FARS2: variants seen among roughly 807,000 people sequenced by gnomAD.
FARS2 encodes the protein phenylalanine--tRNA ligase, mitochondrial.
FARS2 carries 40 observed loss-of-function variants against 46.4 expected under a neutral mutation model. The observed-to-expected ratio is 0.86, with a 90% CI of 0.67 to 1.12. The LOEUF (loss-of-function observed/expected upper bound fraction) is 1.12, where lower values mean the gene tolerates loss of function less well. FARS2 is among the 50% of genes most tolerant of loss of function. The pLI is 0.00. For missense variants in FARS2, 513 were observed against 567.9 expected (o/e 0.90, Z 0.98); for synonymous variants, 234 against 214.9 (o/e 1.09, Z -0.78).
At chr6:5,740,698 C>CT (rs1761275117) in intron 6 of FARS2, among the ~76,000 whole-genome samples, 1 of 152,100 alleles carries the variant, frequency 6.6e-6, no homozygotes, top group Non-Finnish European at 1.5e-5. Context: ...GGAGACCTGC[C>CT]TTTTATCCCC....
rs373609089 is a variant in FARS2, at chr6:5,616,405, A to C, written c.1217+3085A>C. On this transcript the variant is annotated intron_variant, in intron 6 of 6. Coordinates refer to ENST00000274680, the MANE Select transcript of FARS2 (RefSeq NM_006567.5). ...GAGTACTAATTGATATGCCAAAGGC[A>C]TGTGACTTGTAATTTTTTCCCATTC... Among the ~76,000 whole-genome samples, 9 of 152,254 alleles carry C rather than the reference A, an allele frequency of 5.9e-5. No homozygotes were observed. In the East Asian group the frequency reaches 1.7e-3, roughly 29 times the overall value.
chr6:5,728,422 C>T (rs77427629), intron 6 of FARS2, among the ~76,000 whole-genome samples: 1,609 of 151,970 alleles, frequency 0.011, 13 homozygotes, highest in Non-Finnish European at 0.014. Flanking sequence ...GGTTTGCTGA[C>T]GCTAAAATGA....
intron 6 of FARS2, among the ~76,000 whole-genome samples, chr6:5,710,904 A>G (rs1379383225): frequency 6.6e-6 from 1 of 152,200 alleles, no homozygotes; most frequent in East Asian, 1.9e-4. Context: ...AACTTTGGGT[A>G]TGATACTCAG....
chr6:5,592,168 T>C (rs1339079463), intron 5 of FARS2, among the ~76,000 whole-genome samples: 1 of 152,158 alleles, frequency 6.6e-6, no homozygotes, highest in Admixed American at 6.5e-5. Context: ...GAAGACTGCT[T>C]GAGCTCAGGA....
At chr6:5,257,304 G>A (rs1764724570), upstream of FARS2, among the ~76,000 whole-genome samples, 1 of 151,992 alleles carries the variant, frequency 6.6e-6, no homozygotes, top group African/African-American at 2.4e-5. Flanking sequence ...CTGTTTGCCT[G>A]CCTGACCACA....
chr6:5,459,415 C>T (rs549728574), intron 4 of FARS2, among the ~76,000 whole-genome samples: 68 of 151,022 alleles, frequency 4.5e-4, no homozygotes, highest in African/African-American at 6.6e-4. Context: ...GATGTCTTTT[C>T]GATTTGATTT....
intron 1 of FARS2, among the ~76,000 whole-genome samples, chr6:5,282,368 G>A (rs932168054): frequency 2.1e-4 from 32 of 152,184 alleles, no homozygotes; most frequent in South Asian, 2.1e-4. Flanking sequence ...GGTCCATGGC[G>A]CTTAGGGGAG....
At chr6:5,615,032 AAAGG>A (rs1775399362) in intron 6 of FARS2, among the ~76,000 whole-genome samples, 8 of 152,152 alleles carry the variant, frequency 5.3e-5, no homozygotes, top group Admixed American at 2.6e-4. Context: ...TTTTTGTTTT[AAAGG>A]ATTCCTTCTT....
chr6:5,576,316 C>T (rs1772960245), intron 5 of FARS2, among the ~76,000 whole-genome samples: 1 of 151,908 alleles, frequency 6.6e-6, no homozygotes, highest in South Asian at 2.1e-4. Context: ...AATCAGCTGC[C>T]AGCATGGCTA....
At position 5,545,264 on chromosome 6, in the gene FARS2, G is replaced by C. The variant is rs863223957; in HGVS notation, c.989G>C (p.Arg330Pro). 12 of 1,614,000 alleles carry C rather than the reference G, an allele frequency of 7.4e-6. No individual in the cohort carries two copies. The highest frequency in any genetic ancestry group is 1.3e-5 in the African/African-American group (1 of 75,022). ...ATCCTCTACGACATCCCTGATATCCGTCTCTTCTGGTGTGAGGACGAGCGC... is the reference window on the plus strand; with the variant it reads ...ATCCTCTACGACATCCCTGATATCCCTCTCTTCTGGTGTGAGGACGAGCGC... The part of the protein sequence containing the change: ...AMILYDIPDI[R>P]LFWCEDERFL... Residue 330 changes from arginine to proline, a missense_variant, in exon 5 of 7, where the codon CGT becomes CCT. Arg to Pro is a moderately radical substitution (Grantham distance 103). Coordinates refer to ENST00000274680, the MANE Select transcript of FARS2 (RefSeq NM_006567.5).
chr6:5,342,112 TGCTA>T (rs1222542780), intron 1 of FARS2, among the ~76,000 whole-genome samples: 1 of 152,240 alleles, frequency 6.6e-6, no homozygotes, highest in African/African-American at 2.4e-5. Context: ...AAGTTTATAA[TGCTA>T]GCTATTTATG....
intron 6 of FARS2, among the ~76,000 whole-genome samples, chr6:5,699,483 G>A (rs958957639): frequency 6.6e-6 from 1 of 151,992 alleles, no homozygotes. Flanking sequence ...CAGAATCAGG[G>A]TCTGGATCTT....
chr6:5,579,008 A>G (rs1366757492), intron 5 of FARS2, among the ~76,000 whole-genome samples: 1 of 152,160 alleles, frequency 6.6e-6, no homozygotes, highest in East Asian at 1.9e-4. Context: ...GTGAGTTTCA[A>G]TACACATAAA....
At chr6:5,726,383 C>T (rs1024829169) in intron 6 of FARS2, among the ~76,000 whole-genome samples, 14 of 152,270 alleles carry the variant, frequency 9.2e-5, no homozygotes, top group Admixed American at 3.3e-4. Context: ...AATGAAGACT[C>T]TGCTGCAGCA....
At chr6:5,503,622 A>C (rs1767937869) in intron 4 of FARS2, among the ~76,000 whole-genome samples, 2 of 152,210 alleles carry the variant, frequency 1.3e-5, no homozygotes, top group Admixed American at 6.5e-5. Flanking sequence ...AAAATCATTG[A>C]GTATAGAATG....
intron 6 of FARS2, among the ~76,000 whole-genome samples, chr6:5,647,169 C>A (rs999493524): frequency 2.0e-5 from 3 of 152,214 alleles, no homozygotes; most frequent in South Asian, 2.1e-4. Context: ...AGGGTCTTCA[C>A]CTTCATCCCA....
At chr6:5,645,824 T>C (rs756959974) in intron 6 of FARS2, among the ~76,000 whole-genome samples, 6 of 152,342 alleles carry the variant, frequency 3.9e-5, no homozygotes, top group Non-Finnish European at 7.4e-5. Context: ...TCATATGTTT[T>C]CAGAGGCTAT....
chr6:5,429,750 C>T (rs752711360), intron 3 of FARS2, among the ~76,000 whole-genome samples: 59 of 152,268 alleles, frequency 3.9e-4, no homozygotes, highest in Non-Finnish European at 7.1e-4. Flanking sequence ...TTTGCAGTTA[C>T]AATGAACTAT....
At chr6:5,489,478 T>G (rs887593630) in intron 4 of FARS2, among the ~76,000 whole-genome samples, 9 of 152,058 alleles carry the variant, frequency 5.9e-5, no homozygotes, top group African/African-American at 1.9e-4. Flanking sequence ...AATAAGACAA[T>G]CATCAGATGC....
Sources: gnomAD v4.1 joint callset for allele counts (sites outside exome capture counted in the v4.1 genomes callset) on GRCh38, gnomAD v4.1.1 for gene constraint, MANE v1.5 for transcripts, NCBI Gene and HGNC (gene_info 2026-07-23, HGNC 2026-07-21) for gene names.